COL7A1: variants seen among roughly 807,000 people sequenced by gnomAD.
The protein encoded by COL7A1 is collagen alpha-1(VII) chain.
A neutral mutation model predicts 456.2 loss-of-function variants in COL7A1; 296 were observed. That is an observed-to-expected ratio of 0.65 (90% CI 0.59 to 0.71). The LOEUF (loss-of-function observed/expected upper bound fraction) is 0.71, where lower values mean the gene tolerates loss of function less well. Ranked by LOEUF, COL7A1 falls within the 30% of genes least tolerant of loss-of-function variation. The probability of loss-of-function intolerance (pLI) is 0.00; values close to 1 mark genes in which losing one functional copy is unlikely to be tolerated. For synonymous variants in COL7A1, 1,464 were observed against 1,525.9 expected (o/e 0.96, Z 0.95); for missense variants, 3,441 against 4,017.2 (o/e 0.86, Z 3.88).
In COL7A1 at chr3:48,590,564, C is replaced by G. The variant is rs1421136445; in HGVS notation, c.1801G>C (p.Val601Leu). ...GACACCACAACCCGCAGCCCTGGAA[C>G]AGCAAGTGGAGTTTCCGGCTCTAGG... ...VRREPETPLA[V>L]PGLRVVVSDA... Residue 601 changes from valine (V) to leucine (L), a missense_variant, in exon 15 of 119, where the codon GTT (valine) becomes CTT (leucine). Physicochemically the swap from Val to Leu is conservative, Grantham distance 32. This residue lies in a region of COL7A1 where 913 missense variants were observed against 1,088.2 expected (regional missense o/e 0.84). Coordinates refer to ENST00000681320, the MANE Select transcript of COL7A1 (RefSeq NM_000094.4). This position sits in a 1 kb window ranked among gnomAD's most constrained non-coding sequence, Gnocchi z 4.6. 2.5e-6 allele frequency: 4 copies of G among 1,614,204 alleles called. No homozygotes were observed. Among genetic ancestry groups the G allele is most frequent in the Middle Eastern group, 3.3e-4 (2 of 6,062 alleles).
chr3:48,576,178 G>T, intron 71 of COL7A1, 71 bp downstream of exon 71: 1 of 1,603,598 alleles, frequency 6.2e-7, no homozygotes, highest in Non-Finnish European at 8.5e-7. Flanking sequence ...ATGGCAAGGG[G>T]AAGGGGATGG....
Position 48,573,077 on chromosome 3 carries a change from T to C in COL7A1, c.6715-21A>G, listed in dbSNP as rs766657520. 1 of 1,614,112 alleles carries C rather than the reference T, an allele frequency of 6.2e-7. No homozygotes were observed. The highest frequency in any genetic ancestry group is 1.7e-5 in the Admixed American group (1 of 60,022). On this transcript the variant is annotated intron_variant, in intron 85 of 118. Coordinates refer to ENST00000681320, the MANE Select transcript of COL7A1 (RefSeq NM_000094.4). The surrounding 1 kb of genome is among the most constrained non-coding windows in gnomAD (Gnocchi z 5.5). ...GGACCCTGACGGAGAACAAGTCGGATGTCAGGGTGACAATGGACACAGGAC... is the reference window on the plus strand; with the variant it reads ...GGACCCTGACGGAGAACAAGTCGGACGTCAGGGTGACAATGGACACAGGAC...
Position 48,578,189 on chromosome 3 carries a change from G to T in COL7A1, c.5532+132C>A. On this transcript the variant is annotated intron_variant, in intron 65 of 118. Transcript: ENST00000681320. This position sits in a 1 kb window ranked among gnomAD's most constrained non-coding sequence, Gnocchi z 4.7. The stretch of plus-strand genomic sequence containing the variant: ...CAAAAAAAAAAAAACTATGTTTCTG[G>T]ATGCATCTGTATGTCTGGGCCAGGA... The T allele has an allele frequency of 9.8e-7, 1 of 1,023,198 alleles. No individual in the cohort carries two copies. The highest frequency in any genetic ancestry group is 1.5e-6 in the Non-Finnish European group (1 of 676,100). The allele number at this position is 1,023,198 out of a possible 1,614,324, so 63.4% of individuals were successfully genotyped here. A position where few individuals can be genotyped will look rare whatever the true frequency, so the allele number is the denominator to read the frequency against.
chr3:48,583,270 C>G lies in COL7A1; in HGVS notation c.4438-99G>C, dbSNP rs2044917420. ...AAGGGGTCCCAAACTCCAACCACCC[C>G]CTCCAAAACCACGACCTCTGACCTG... On this transcript the variant is annotated intron_variant, in intron 42 of 118. Coordinates refer to ENST00000681320, the MANE Select transcript of COL7A1 (RefSeq NM_000094.4). This position sits in a 1 kb window ranked among gnomAD's most constrained non-coding sequence, Gnocchi z 5.1. The G allele has an allele frequency of 1.2e-6, 2 of 1,602,636 alleles. No homozygotes were observed. The highest frequency in any genetic ancestry group is 1.7e-5 in the Admixed American group (1 of 59,188).
chr3:48,571,614 C>T lies in COL7A1; in HGVS notation c.7069-336G>A, dbSNP rs1215768319. 3 of 657,994 alleles carry T rather than the reference C, an allele frequency of 4.6e-6. No homozygotes were observed. The highest frequency in any genetic ancestry group is 2.1e-5 in the Admixed American group (1 of 48,070). 40.8% of individuals were successfully genotyped at this position (657,994 alleles called of 1,614,324 possible). On this transcript the variant is annotated intron_variant, in intron 92 of 118. Transcript: ENST00000681320. The surrounding 1 kb of genome is among the most constrained non-coding windows in gnomAD (Gnocchi z 4.6). ...AGGGGAACCCCAACACGTCCACTCC[C>T]GGGTAGAGCAGGCATGGCCACAGGC...
rs1215720236 is a variant in COL7A1, at chr3:48,588,616, A to G, written c.2587+26T>C. On this transcript the variant is annotated intron_variant, in intron 20 of 118. Coordinates refer to ENST00000681320, the MANE Select transcript of COL7A1 (RefSeq NM_000094.4). This position sits in a 1 kb window ranked among gnomAD's most constrained non-coding sequence, Gnocchi z 4.6. ...CAAACCATCCACACCACCCATCCGAAGCTCTCCAGCGCATGCTCTGCCTAC... is the reference window on the plus strand; with the variant it reads ...CAAACCATCCACACCACCCATCCGAGGCTCTCCAGCGCATGCTCTGCCTAC... 2 of 1,613,626 alleles carry G rather than the reference A, an allele frequency of 1.2e-6. No homozygotes were observed. The highest frequency in any genetic ancestry group is 1.7e-6 in the Non-Finnish European group (2 of 1,180,036).
At position 48,566,351 on chromosome 3, in the gene COL7A1, C is replaced by T; in HGVS notation, c.8359-36G>A. ...AAGACCACAGGGACCATAAAGAACC[C>T]ATGGCCCACAGGAAGGACATAGGGC... On this transcript the variant is annotated intron_variant, in intron 113 of 118. Coordinates refer to ENST00000681320, the MANE Select transcript of COL7A1 (RefSeq NM_000094.4). This position sits in a 1 kb window ranked among gnomAD's most constrained non-coding sequence, Gnocchi z 5.9. The T allele has an allele frequency of 6.2e-7, 1 of 1,605,058 alleles. No individual in the cohort carries two copies. Among genetic ancestry groups the T allele is most frequent in the Non-Finnish European group, 8.5e-7 (1 of 1,175,866 alleles).
At chr3:48,582,772 G>A (rs1575461881) in intron 44 of COL7A1, 119 bp from the exon 45 acceptor site, 2 of 1,219,888 alleles carry the variant, frequency 1.6e-6, no homozygotes, top group African/African-American at 1.5e-5. Flanking sequence ...ATTTAGGTTG[G>A]CAGGGGTAAG....
In COL7A1 at chr3:48,583,226, T is replaced by C; in HGVS notation, c.4438-55A>G. 6.2e-7 allele frequency: 1 copy of C among 1,609,568 alleles called. No individual in the cohort carries two copies. Among genetic ancestry groups the C allele is most frequent in the Non-Finnish European group, 8.5e-7 (1 of 1,177,940 alleles). The stretch of plus-strand genomic sequence containing the variant: ...GAGAGAGAGGGTTGGTGGCGGGGCT[T>C]GAACGTCAAACCCCAGACAAGGGGT... On this transcript the variant is annotated intron_variant, in intron 42 of 118. Transcript: ENST00000681320. This position sits in a 1 kb window ranked among gnomAD's most constrained non-coding sequence, Gnocchi z 5.1.
At position 48,573,132 on chromosome 3, in the gene COL7A1, GA is replaced by G. The variant is rs751406491; in HGVS notation, c.6714+41del. The stretch of plus-strand genomic sequence containing the variant: ...TGAGAGAACATGGGCCCCAAGGAGT[GA>G]AAACACGGTGTCCCTACAGGGGCCA... On this transcript the variant is annotated intron_variant, in intron 85 of 118. Coordinates refer to ENST00000681320, the MANE Select transcript of COL7A1 (RefSeq NM_000094.4). The surrounding 1 kb of genome is among the most constrained non-coding windows in gnomAD (Gnocchi z 5.5). 2.5e-6 allele frequency: 4 copies of G among 1,613,894 alleles called. No homozygotes were observed. In the African/African-American group the frequency reaches 5.3e-5, roughly 22 times the overall value.
At position 48,575,763 on chromosome 3, in the gene COL7A1, G is replaced by C; in HGVS notation, c.5857-15C>G. On this transcript the variant is annotated splice_polypyrimidine_tract_variant and intron_variant, in intron 72 of 118. Coordinates refer to ENST00000681320, the MANE Select transcript of COL7A1 (RefSeq NM_000094.4). The surrounding 1 kb of genome is among the most constrained non-coding windows in gnomAD (Gnocchi z 6.3). ...AGGGCAGATGCCTGAGGGACAGCAA[G>C]AGGTCAGAGGAGCGGGGTGCGTCGC... is the stretch of plus-strand genomic sequence containing the variant. 1 of 1,614,056 alleles carries C rather than the reference G, an allele frequency of 6.2e-7. No individual in the cohort carries two copies. The highest frequency in any genetic ancestry group is 8.5e-7 in the Non-Finnish European group (1 of 1,180,010).
In COL7A1 at chr3:48,574,447, C is replaced by T. The variant is rs752779393; in HGVS notation, c.6456+41G>A. ...GCACACAGGACAATACATGTGAGAG[C>T]CACCTTCTTGCACATGTGTGGCTGT... On this transcript the variant is annotated intron_variant, in intron 79 of 118. Coordinates refer to ENST00000681320, the MANE Select transcript of COL7A1 (RefSeq NM_000094.4). This position sits in a 1 kb window ranked among gnomAD's most constrained non-coding sequence, Gnocchi z 5.0. 6.2e-7 allele frequency: 1 copy of T among 1,613,846 alleles called. No individual in the cohort carries two copies. Among genetic ancestry groups the T allele is most frequent in the Non-Finnish European group, 8.5e-7 (1 of 1,179,794 alleles).
intron 18 of COL7A1, 128 bp from the exon 19 acceptor site, chr3:48,589,123 G>A: frequency 1.3e-6 from 2 of 1,524,888 alleles, no homozygotes; most frequent in South Asian, 2.3e-5. Context: ...GCAGCCCTGA[G>A]GAGGAGGAGG....
At position 48,581,055 on chromosome 3, in the gene COL7A1, G is replaced by A; in HGVS notation, c.4935+67C>T. The A allele has an allele frequency of 6.2e-7, 1 of 1,603,468 alleles. No homozygotes were observed. The highest frequency in any genetic ancestry group is 8.5e-7 in the Non-Finnish European group (1 of 1,170,894). On this transcript the variant is annotated intron_variant, in intron 53 of 118. Coordinates refer to ENST00000681320, the MANE Select transcript of COL7A1 (RefSeq NM_000094.4). The surrounding 1 kb of genome is among the most constrained non-coding windows in gnomAD (Gnocchi z 5.8). ...GGGAGTGGATGGATGAACTGGTGGA[G>A]CACCAGCCTACTGGGATCCTAGTTC...
intron 71 of COL7A1, among the ~76,000 whole-genome samples, 169 bp downstream of exon 71, chr3:48,576,080 C>T (rs1324278129): frequency 2.0e-5 from 3 of 152,246 alleles, no homozygotes; most frequent in South Asian, 4.1e-4. Context: ...CTGGTGTGTC[C>T]CCACTGCCCA....
chr3:48,586,932 C>T lies in COL7A1; in HGVS notation c.3276+40G>A. 6.4e-7 allele frequency: 1 copy of T among 1,564,434 alleles called. No individual in the cohort carries two copies. Among genetic ancestry groups the T allele is most frequent in the Non-Finnish European group, 8.7e-7 (1 of 1,154,364 alleles). On this transcript the variant is annotated intron_variant, in intron 25 of 118. Transcript: ENST00000681320. The surrounding 1 kb of genome is among the most constrained non-coding windows in gnomAD (Gnocchi z 5.1). Reference sequence around the variant, plus strand: ...ACTGGTATGGAGCCTGGGTGGGGGGCCTCAGGGAGAGGTAGAATCTGGCTG... The same window carrying T: ...ACTGGTATGGAGCCTGGGTGGGGGGTCTCAGGGAGAGGTAGAATCTGGCTG...
At position 48,590,662 on chromosome 3, in the gene COL7A1, G is replaced by T. The variant is rs1325372280; in HGVS notation, c.1780+11C>A. 2 of 1,613,966 alleles carry T rather than the reference G, an allele frequency of 1.2e-6. No homozygotes were observed. The highest frequency in any genetic ancestry group is 2.2e-5 in the South Asian group (2 of 91,088). ...GGCAGCTGTCCTCCACAAGCCTCCT[G>T]CAGTACTCACCCCGGCGGACAGTGA... On this transcript the variant is annotated intron_variant, in intron 14 of 118. Coordinates refer to ENST00000681320, the MANE Select transcript of COL7A1 (RefSeq NM_000094.4). This position sits in a 1 kb window ranked among gnomAD's most constrained non-coding sequence, Gnocchi z 4.6.
Position 48,592,409 on chromosome 3 carries a change from C to T in COL7A1, c.1035G>A (p.Val345=), listed in dbSNP as rs139789951. Reference sequence around the variant, plus strand: ...TGGCACCTGGCACACTCCGCCAGGCCACCAGGAGGCTGTGGGCTGTGGTAT... The same window carrying T: ...TGGCACCTGGCACACTCCGCCAGGCTACCAGGAGGCTGTGGGCTGTGGTAT... The part of the protein sequence containing the change: ...IQNTTAHSLL[V]AWRSVPGATG... Residue 345 remains valine, a synonymous_variant, in exon 9 of 119, where the codon GTG becomes GTA. Coordinates refer to ENST00000681320, the MANE Select transcript of COL7A1 (RefSeq NM_000094.4). The surrounding 1 kb of genome is among the most constrained non-coding windows in gnomAD (Gnocchi z 7.6). The T allele has an allele frequency of 3.1e-6, 5 of 1,613,814 alleles. No homozygotes were observed. The African/African-American group carries it at 6.7e-5, about 21-fold the overall frequency.
Position 48,585,982 on chromosome 3 carries a change from A to T in COL7A1, c.3724-7T>A, listed in dbSNP as rs1427400806. On this transcript the variant is annotated splice_region_variant and splice_polypyrimidine_tract_variant and intron_variant, in intron 28 of 118. Coordinates refer to ENST00000681320, the MANE Select transcript of COL7A1 (RefSeq NM_000094.4). The surrounding 1 kb of genome is among the most constrained non-coding windows in gnomAD (Gnocchi z 4.5). ...GGCAGGGCTCTGGCCGGGGCTGCGGACATAGGGTCTCTTTGAGGTTGAACA... is the reference window on the plus strand; with the variant it reads ...GGCAGGGCTCTGGCCGGGGCTGCGGTCATAGGGTCTCTTTGAGGTTGAACA... The T allele has an allele frequency of 6.2e-7, 1 of 1,613,838 alleles. No individual in the cohort carries two copies. Among genetic ancestry groups the T allele is most frequent in the Admixed American group, 1.7e-5 (1 of 60,024 alleles).
Sources: gnomAD v4.1 joint callset for allele counts (sites outside exome capture counted in the v4.1 genomes callset) on GRCh38, gnomAD v4.1.1 for gene constraint, gnomAD v4.1.1 regional missense constraint, Gnocchi (gnomAD v3.1) non-coding constraint, MANE v1.5 for transcripts, NCBI Gene and HGNC (gene_info 2026-07-23, HGNC 2026-07-21) for gene names.